SMARCA2: variants seen among roughly 807,000 people sequenced by gnomAD.
SMARCA2 encodes the protein SWI/SNF related BAF chromatin remodeling complex subunit ATPase 2.
SMARCA2 carries 61 observed loss-of-function variants against 199.8 expected under a neutral mutation model. The observed-to-expected ratio is 0.31, with a 90% CI of 0.25 to 0.38. The LOEUF is 0.38. Among genes scored for constraint, SMARCA2 ranks in the 10% least tolerant of loss-of-function variants. The probability of loss-of-function intolerance (pLI) is 1.00; values close to 1 mark genes in which losing one functional copy is unlikely to be tolerated. For missense variants in SMARCA2, 1,344 were observed against 2,012.2 expected (o/e 0.67, Z 6.35); for synonymous variants, 935 against 732.0 (o/e 1.28, Z -4.48).
Position 2,191,283 on chromosome 9 carries a change from A to C in SMARCA2, c.4612A>C (p.Lys1538Gln). 1 of 1,614,140 alleles carries C rather than the reference A, an allele frequency of 6.2e-7. No homozygotes were observed. The highest frequency in any genetic ancestry group is 8.5e-7 in the Non-Finnish European group (1 of 1,180,016). Residue 1538 changes from lysine (K) to glutamine (Q), a missense_variant, in exon 33 of 34, where the codon AAA (lysine) becomes CAA (glutamine). Lys to Gln is a moderately conservative substitution (Grantham distance 53, BLOSUM62 1). Transcript: ENST00000349721. ...SESEAKSVKV[K>Q]IKLNKKDDKG... is the part of the protein sequence containing the mutation. Reference sequence around the variant, plus strand: ...GGTTTTAGCAAAATCAGTCAAGGTGAAAATTAAGCTCAATAAAAAAGATGA... The same window carrying C: ...GGTTTTAGCAAAATCAGTCAAGGTGCAAATTAAGCTCAATAAAAAAGATGA...
intron 27 of SMARCA2, among the ~76,000 whole-genome samples, chr9:2,131,771 C>T (rs995392407): frequency 6.6e-6 from 1 of 152,046 alleles, no homozygotes; most frequent in Non-Finnish European, 1.5e-5. Context: ...GAAACCCCGT[C>T]TCTACTAAAA....
chr9:2,101,642 T>TA (rs760931422), intron 22 of SMARCA2, 26 bp downstream of exon 22: 375 of 1,271,482 alleles, frequency 2.9e-4, no homozygotes, highest in South Asian at 3.5e-4. Context: ...TTTTTTCTTT[T>TA]AAAAAAAAAT....
At chr9:2,139,058 C>T (rs2376309) in intron 27 of SMARCA2, among the ~76,000 whole-genome samples, 28,053 of 152,170 alleles carry the variant, frequency 0.18, 5,136 homozygotes, top group African/African-American at 0.45. Context: ...GAGATGAGTC[C>T]TGTGTGCTGA....
chr9:2,168,911 C>A (rs1364053315), intron 28 of SMARCA2, among the ~76,000 whole-genome samples: 1 of 152,296 alleles, frequency 6.6e-6, no homozygotes, highest in South Asian at 2.1e-4. Context: ...TACCTAGCTT[C>A]TCTGAGTTAG....
intron 31 of SMARCA2, among the ~76,000 whole-genome samples, chr9:2,182,777 G>A (rs1432663556): frequency 6.8e-6 from 1 of 147,506 alleles, no homozygotes; most frequent in Non-Finnish European, 1.5e-5. Context: ...TTACAGGCAT[G>A]AGCCACCACA....
chr9:2,070,086 A>G (rs1489820510), intron 9 of SMARCA2, among the ~76,000 whole-genome samples: 2 of 152,048 alleles, frequency 1.3e-5, no homozygotes, highest in African/African-American at 2.4e-5. Flanking sequence ...ATATCTTCCC[A>G]CTCCCAAACA....
chr9:2,182,249 C>G lies in SMARCA2; in HGVS notation c.4461+7C>G, dbSNP rs1465433766. Reference sequence around the variant, plus strand: ...CAACCTGGAGGGATCCCAGGTCTGTCTTGTTAAGTTGTCTAAAAGTTCTTA... The same window carrying G: ...CAACCTGGAGGGATCCCAGGTCTGTGTTGTTAAGTTGTCTAAAAGTTCTTA... On this transcript the variant is annotated splice_region_variant and intron_variant, in intron 31 of 33. Coordinates refer to ENST00000349721, the MANE Select transcript of SMARCA2 (RefSeq NM_003070.5). The G allele has an allele frequency of 6.3e-7, 1 of 1,576,966 alleles. No individual in the cohort carries two copies. Among genetic ancestry groups the G allele is most frequent in the Non-Finnish European group, 8.7e-7 (1 of 1,150,186 alleles).
At chr9:2,112,948 C>T (rs1453687896) in intron 24 of SMARCA2, among the ~76,000 whole-genome samples, 1 of 152,148 alleles carries the variant, frequency 6.6e-6, no homozygotes, top group Non-Finnish European at 1.5e-5. Flanking sequence ...CATGAACACC[C>T]CACCAGGATC....
chr9:2,048,371 G>A (rs1039642738), intron 5 of SMARCA2, among the ~76,000 whole-genome samples: 1 of 152,182 alleles, frequency 6.6e-6, no homozygotes, highest in Non-Finnish European at 1.5e-5. Context: ...CTGTGACTCA[G>A]TTTCCTCCTA....
chr9:2,037,495 C>G (rs759639513), intron 3 of SMARCA2, among the ~76,000 whole-genome samples: 8 of 152,166 alleles, frequency 5.3e-5, no homozygotes, highest in Non-Finnish European at 1.0e-4. Context: ...TTTAGGGGAT[C>G]ACGCTAAATC....
chr9:2,018,037 A>T (rs1563708114), intron 1 of SMARCA2: 1 of 152,126 alleles, frequency 6.6e-6, no homozygotes, highest in Non-Finnish European at 1.5e-5. Flanking sequence ...GGGTCCGGAG[A>T]GTGTGAGTCG....
intron 8 of SMARCA2, among the ~76,000 whole-genome samples, chr9:2,059,854 A>T (rs1220513144): frequency 2.6e-5 from 4 of 152,070 alleles, no homozygotes; most frequent in Non-Finnish European, 1.5e-5. Flanking sequence ...CCTCTTAAAG[A>T]TTTTGCAGCT....
chr9:2,019,693 G>A (rs1433089375), intron 1 of SMARCA2, among the ~76,000 whole-genome samples: 1 of 152,046 alleles, frequency 6.6e-6, no homozygotes, highest in Non-Finnish European at 1.5e-5. Flanking sequence ...TTTCTAAAAG[G>A]TAATTGTGAT....
intron 27 of SMARCA2, among the ~76,000 whole-genome samples, chr9:2,127,305 T>C (rs539654913): frequency 6.6e-6 from 1 of 152,300 alleles, no homozygotes; most frequent in South Asian, 2.1e-4. Flanking sequence ...TGCCCATCAG[T>C]TGCCAAATTA....
At chr9:2,019,267 G>A (rs563499347) in intron 1 of SMARCA2, among the ~76,000 whole-genome samples, 6 of 152,246 alleles carry the variant, frequency 3.9e-5, no homozygotes, top group African/African-American at 1.2e-4. Flanking sequence ...AAGAGGGTGA[G>A]GGGAGGGAGG....
intron 27 of SMARCA2, among the ~76,000 whole-genome samples, chr9:2,133,487 T>G (rs984847843): frequency 1.3e-5 from 2 of 151,980 alleles, no homozygotes; most frequent in African/African-American, 4.8e-5. Context: ...GTCACTCAAT[T>G]GCCTAGGCTG....
At chr9:2,143,457 C>T (rs1162140800) in intron 27 of SMARCA2, among the ~76,000 whole-genome samples, 20 of 152,028 alleles carry the variant, frequency 1.3e-4, no homozygotes, top group Admixed American at 1.2e-3. Flanking sequence ...GAGAAGATAC[C>T]ATTTGCATTG....
In SMARCA2 at chr9:2,181,624, T is replaced by C; in HGVS notation, c.4307T>C (p.Leu1436Ser). 6.2e-7 allele frequency: 1 copy of C among 1,600,548 alleles called. No homozygotes were observed. Among genetic ancestry groups the C allele is most frequent in the Non-Finnish European group, 8.6e-7 (1 of 1,167,660 alleles). Residue 1436 changes from leucine to serine, a missense_variant, in exon 30 of 34, where the codon TTA becomes TCA. Physicochemically the swap from Leu to Ser is moderately radical, Grantham distance 145. Around this residue, in one of 18 missense-constraint regions of SMARCA2, gnomAD observed 151 missense variants for 154.0 expected, o/e 0.98. Coordinates refer to ENST00000349721, the MANE Select transcript of SMARCA2 (RefSeq NM_003070.5). Reference protein sequence around the residue: ...VFIQLPSRKELPEYYELIRKP... With the variant: ...VFIQLPSRKESPEYYELIRKP... ...ATTCAGTTACCTTCAAGGAAAGAATTACCAGAATACTATGAATTAATTAGG... is the reference window on the plus strand; with the variant it reads ...ATTCAGTTACCTTCAAGGAAAGAATCACCAGAATACTATGAATTAATTAGG...
intron 18 of SMARCA2, among the ~76,000 whole-genome samples, chr9:2,087,534 C>T (rs1821853020): frequency 6.6e-6 from 1 of 152,064 alleles, no homozygotes; most frequent in African/African-American, 2.4e-5. Context: ...CACACATTTT[C>T]TGCAGACCTT....
Sources: allele counts gnomAD v4.1 joint callset (sites outside exome capture counted in the v4.1 genomes callset), GRCh38; gene constraint gnomAD v4.1.1; regional missense constraint gnomAD v4.1.1; transcripts MANE v1.5; gene names NCBI Gene and HGNC (gene_info 2026-07-23, HGNC 2026-07-21).